Variants in SEMA5B observed in about 807,000 individuals in gnomAD.
SEMA5B encodes the protein semaphorin 5B, also known as semaphorin-5B.
A neutral mutation model predicts 135.0 loss-of-function variants in SEMA5B; 66 were observed. That is an observed-to-expected ratio of 0.49 (90% confidence interval 0.40 to 0.60). The LOEUF is 0.60. Among genes scored for constraint, SEMA5B ranks in the 20% least tolerant of loss-of-function variants. The pLI, the probability that SEMA5B is intolerant of heterozygous loss-of-function variation, is 0.00. For synonymous variants in SEMA5B, 690 were observed against 639.5 expected (o/e 1.08, Z -1.19); for missense variants, 1,501 against 1,566.3 (o/e 0.96, Z 0.70).
At chr3:122,961,067 G>A in intron 2 of SEMA5B, 73 bp downstream of exon 2, 3 of 1,463,736 alleles carry the variant, frequency 2.0e-6, no homozygotes, top group Admixed American at 2.1e-5. Flanking sequence ...CCCCAGATGA[G>A]GGGGTCTTCT....
chr3:122,988,629 G>C (rs1229902363), intron 1 of SEMA5B, among the ~76,000 whole-genome samples: 1 of 152,242 alleles, frequency 6.6e-6, no homozygotes, highest in East Asian at 1.9e-4. Flanking sequence ...AGCCTCTCTA[G>C]GACTTGGCAG....
At position 122,929,050 on chromosome 3, in the gene SEMA5B, C is replaced by T; in HGVS notation, c.483G>A (p.Glu161=). ...LANVSLLQAT[E]WASSEDTRRS... The stretch of plus-strand genomic sequence containing the variant: ...GGCGCGTGTCCTCACTGGAGGCCCA[C>T]TCTGTGGCCTGGGGGAGGAACATAG... The change falls in exon 6 of 23, where the codon GAG becomes GAA. Residue 161 remains glutamate (E), a synonymous_variant. Coordinates refer to ENST00000357599, the MANE Select transcript of SEMA5B (RefSeq NM_001031702.4). 1 of 1,611,838 alleles carries T rather than the reference C, an allele frequency of 6.2e-7. No individual in the cohort carries two copies. Among genetic ancestry groups the T allele is most frequent in the East Asian group, 2.2e-5 (1 of 44,876 alleles).
intron 1 of SEMA5B, among the ~76,000 whole-genome samples, chr3:123,009,885 G>T (rs1270078819): frequency 6.6e-6 from 1 of 152,194 alleles, no homozygotes; most frequent in East Asian, 1.9e-4. Context: ...TGGGCAAAGA[G>T]ACACAAAGAC....
At chr3:123,012,780 C>G (rs1046964385) in intron 1 of SEMA5B, among the ~76,000 whole-genome samples, 1 of 152,208 alleles carries the variant, frequency 6.6e-6, no homozygotes, top group African/African-American at 2.4e-5. Flanking sequence ...CTCCTTCATC[C>G]TTCCACCCCA....
chr3:122,913,178 G>GGGGCGCC, intron 17 of SEMA5B, 21 bp downstream of exon 17: 2 of 1,536,316 alleles, frequency 1.3e-6, no homozygotes, highest in Non-Finnish European at 1.7e-6. Flanking sequence ...GAGGAAGGAG[G>GGGGCGCC]GGGCGCCGGG....
rs540336796 is a variant in SEMA5B at position 122,976,002 on chromosome 3, C to T, written c.-38-14701G>A. 8.5e-6 allele frequency: 13 copies of T among 1,535,032 alleles called. No homozygotes were observed. The East Asian group carries it at 2.0e-4, about 23-fold the overall frequency. On this transcript the variant is annotated intron_variant, in intron 1 of 22. Coordinates refer to ENST00000357599, the MANE Select transcript of SEMA5B (RefSeq NM_001031702.4). Reference sequence around the variant, plus strand: ...CTTCATGTCATGCACTTGCCCACCTCGATCCCTTCGCTTCTGCTTGCCCGT... The same window carrying T: ...CTTCATGTCATGCACTTGCCCACCTTGATCCCTTCGCTTCTGCTTGCCCGT...
At position 122,975,087 on chromosome 3, in the gene SEMA5B, C is replaced by G. The variant is rs192796353; in HGVS notation, c.-38-13786G>C. On this transcript the variant is annotated intron_variant, in intron 1 of 22. Coordinates refer to ENST00000357599, the MANE Select transcript of SEMA5B (RefSeq NM_001031702.4). ...AGAGAAATGGAAGGGAGTGGGAAAC[C>G]GTGTCATTTTCTTACCAGAAGACTT... 2.0e-3 allele frequency: 301 copies of G among 152,256 alleles called. 3 individuals carry two copies. Among genetic ancestry groups the G allele is most frequent in the Non-Finnish European group, 4.6e-4 (31 of 68,024 alleles). The allele number at this position is 152,256 out of a possible 1,614,324, so 9.4% of individuals were successfully genotyped here. A position where few individuals can be genotyped will look rare whatever the true frequency, so the allele number is the denominator to read the frequency against.
At chr3:122,975,705 G>A (rs1369881972) in intron 1 of SEMA5B, among the ~76,000 whole-genome samples, 1 of 152,034 alleles carries the variant, frequency 6.6e-6, no homozygotes, top group Non-Finnish European at 1.5e-5. Context: ...CTCTCCAGAC[G>A]CTCACAATAG....
At chr3:123,013,677 A>G (rs1279732870) in intron 1 of SEMA5B, among the ~76,000 whole-genome samples, 6 of 152,248 alleles carry the variant, frequency 3.9e-5, no homozygotes, top group African/African-American at 1.2e-4. Flanking sequence ...TGAGGCCCTC[A>G]CATCTAGCTC....
At chr3:122,928,860 G>A (rs756479338) in intron 6 of SEMA5B, 136 bp downstream of exon 6, 6 of 875,564 alleles carry the variant, frequency 6.9e-6, no homozygotes, top group Non-Finnish European at 1.1e-5. Context: ...ATCCTCACCT[G>A]CCCAAGGAGC....
intron 1 of SEMA5B, among the ~76,000 whole-genome samples, chr3:122,970,215 C>G (rs573744076): frequency 6.6e-6 from 1 of 152,344 alleles, no homozygotes; most frequent in South Asian, 2.1e-4. Context: ...AGGGCACCAT[C>G]ACTTCTCAGG....
intron 4 of SEMA5B, among the ~76,000 whole-genome samples, chr3:122,941,485 C>A (rs921870497): frequency 6.6e-6 from 1 of 152,228 alleles, no homozygotes; most frequent in Non-Finnish European, 1.5e-5. Flanking sequence ...GTACATAGAA[C>A]CCACTTCCTG....
At chr3:123,026,027 T>TA (rs1942788877) in intron 1 of SEMA5B, among the ~76,000 whole-genome samples, 1 of 152,132 alleles carries the variant, frequency 6.6e-6, no homozygotes, top group East Asian at 1.9e-4. Flanking sequence ...AGAACAGGCT[T>TA]AAAAAGATGA....
intron 1 of SEMA5B, among the ~76,000 whole-genome samples, chr3:122,970,793 G>A (rs989985483): frequency 2.0e-5 from 3 of 152,198 alleles, no homozygotes; most frequent in Non-Finnish European, 4.4e-5. Context: ...GGACAATTCT[G>A]GGACGGAAAT....
At chr3:122,923,978 C>T (rs1485980441) in intron 9 of SEMA5B, among the ~76,000 whole-genome samples, 1 of 152,184 alleles carries the variant, frequency 6.6e-6, no homozygotes, top group Non-Finnish European at 1.5e-5. Context: ...TTCTGTGCTA[C>T]TGCCTCCCTC....
chr3:122,911,800 A>G, intron 20 of SEMA5B, 120 bp downstream of exon 20: 3 of 1,290,232 alleles, frequency 2.3e-6, no homozygotes, highest in Non-Finnish European at 3.1e-6. Flanking sequence ...CCTTCCCCCC[A>G]CTTCCATGTT....
intron 3 of SEMA5B, among the ~76,000 whole-genome samples, chr3:122,947,699 G>A (rs762839687): frequency 3.3e-5 from 5 of 152,096 alleles, no homozygotes; most frequent in African/African-American, 4.8e-5. Flanking sequence ...CTCCCCAACA[G>A]GGTTACTATG....
chr3:122,973,440 G>T (rs547054706), intron 1 of SEMA5B, among the ~76,000 whole-genome samples: 1 of 152,318 alleles, frequency 6.6e-6, no homozygotes, highest in South Asian at 2.1e-4. Context: ...GGGCAGTGGA[G>T]GGTGCCGCAG....
chr3:123,011,877 C>T (rs1160543861), intron 1 of SEMA5B, among the ~76,000 whole-genome samples: 1 of 152,220 alleles, frequency 6.6e-6, no homozygotes, highest in Non-Finnish European at 1.5e-5. Context: ...CGCTCTGGGG[C>T]TCCCAGCAAG....
Sources: gnomAD v4.1 joint callset for allele counts (sites outside exome capture counted in the v4.1 genomes callset) on GRCh38, gnomAD v4.1.1 for gene constraint, MANE v1.5 for transcripts, NCBI Gene and HGNC (gene_info 2026-07-23, HGNC 2026-07-21) for gene names.